The following CYP4F2 variants were observed in gnomAD, a reference collection of about 807,000 sequenced individuals.
The protein encoded by CYP4F2 is cytochrome P450 4F2.
In CYP4F2, 58 loss-of-function variants were observed where a neutral mutation model predicts 58.9. That is an observed-to-expected ratio of 0.98 (90% CI 0.80 to 1.23). The LOEUF (loss-of-function observed/expected upper bound fraction) is 1.23. Ranked by LOEUF, CYP4F2 falls within the 50% of genes most tolerant of loss-of-function variation. CYP4F2 has a pLI of 0.00. For missense variants in CYP4F2, 616 were observed against 685.6 expected (o/e 0.90, Z 1.13); for synonymous variants, 287 against 261.1 (o/e 1.10, Z -0.95).
intron 5 of CYP4F2, among the ~76,000 whole-genome samples, chr19:15,891,542 G>A (rs1445030989): frequency 6.6e-6 from 1 of 152,070 alleles, no homozygotes; most frequent in Non-Finnish European, 1.5e-5. Flanking sequence ...CCTTTGCAAT[G>A]TGATTTTTCA....
chr19:15,886,700 C>A (rs1285542826), intron 7 of CYP4F2, among the ~76,000 whole-genome samples: 1 of 152,140 alleles, frequency 6.6e-6, no homozygotes, highest in South Asian at 2.1e-4. Flanking sequence ...AGAATCTTAT[C>A]CCCCTGGAGA....
intron 9 of CYP4F2, among the ~76,000 whole-genome samples, chr19:15,885,616 T>A (rs993407459): frequency 6.6e-6 from 1 of 151,784 alleles, no homozygotes; most frequent in African/African-American, 2.4e-5. Flanking sequence ...TCAAAAAAAA[T>A]GATATTTCTG....
chr19:15,896,111 A>C (rs2089446516), intron 2 of CYP4F2, among the ~76,000 whole-genome samples: 1 of 142,446 alleles, frequency 7.0e-6, no homozygotes, highest in South Asian at 2.2e-4. Context: ...CATCCATGCT[A>C]TCTGTGCATC....
At chr19:15,881,736 T>C (rs943427705) in intron 9 of CYP4F2, among the ~76,000 whole-genome samples, 1 of 152,038 alleles carries the variant, frequency 6.6e-6, no homozygotes, top group Admixed American at 6.5e-5. Flanking sequence ...TTCTTATCAC[T>C]GGTTTTATAA....
chr19:15,890,767 A>G (rs1599354658), intron 5 of CYP4F2, among the ~76,000 whole-genome samples: 1 of 152,202 alleles, frequency 6.6e-6, no homozygotes, highest in South Asian at 2.1e-4. Flanking sequence ...TATAATTCAC[A>G]TTAGAAACTC....
intron 9 of CYP4F2, among the ~76,000 whole-genome samples, chr19:15,881,316 GAC>G (rs1344675133): frequency 1.3e-5 from 2 of 152,164 alleles, no homozygotes; most frequent in Non-Finnish European, 2.9e-5. Context: ...ATAGCATTAA[GAC>G]ACACTGTCGA....
intron 3 of CYP4F2, among the ~76,000 whole-genome samples, chr19:15,894,786 A>T (rs1389869496): frequency 6.6e-6 from 1 of 152,188 alleles, no homozygotes; most frequent in African/African-American, 2.4e-5. Context: ...GATGGGAAGC[A>T]CAGGGGTCAA....
At position 15,890,299 on chromosome 19, in the gene CYP4F2, G is replaced by A. The variant is rs748361914; in HGVS notation, c.647+13C>T. On this transcript the variant is annotated intron_variant, in intron 6 of 12. Coordinates refer to ENST00000221700, the MANE Select transcript of CYP4F2 (RefSeq NM_001082.5). Reference sequence around the variant, plus strand: ...CCACAGCCCAAGATCCCAGATCCTGGGCAAGAACTTACTCCTGACAATGGC... The same window carrying A: ...CCACAGCCCAAGATCCCAGATCCTGAGCAAGAACTTACTCCTGACAATGGC... 1.9e-5 allele frequency: 31 copies of A among 1,613,892 alleles called. No homozygotes were observed. Among genetic ancestry groups the A allele is most frequent in the Non-Finnish European group, 2.6e-5 (31 of 1,179,912 alleles).
intron 9 of CYP4F2, 122 bp downstream of exon 9, chr19:15,885,802 G>C: frequency 2.1e-6 from 3 of 1,450,368 alleles, no homozygotes; most frequent in Non-Finnish European, 2.8e-6. Flanking sequence ...GTGGTCCTCT[G>C]CTCCTATTCC....
chr19:15,885,774 G>T (rs1034523705), intron 9 of CYP4F2, 150 bp downstream of exon 9: 3 of 1,216,832 alleles, frequency 2.5e-6, no homozygotes, highest in Non-Finnish European at 3.3e-6. Flanking sequence ...CAGTCAGGAT[G>T]GGTACTAAGT....
At chr19:15,891,155 A>G (rs1218809497) in intron 5 of CYP4F2, among the ~76,000 whole-genome samples, 1 of 152,098 alleles carries the variant, frequency 6.6e-6, no homozygotes, top group African/African-American at 2.4e-5. Flanking sequence ...GCGAAGAAAA[A>G]CTTTGAGGGA....
At chr19:15,893,835 C>T in intron 3 of CYP4F2, 1 of 257,282 alleles carries the variant, frequency 3.9e-6, no homozygotes, top group Non-Finnish European at 8.3e-6. Flanking sequence ...CCCAAAGGTG[C>T]ACGCCAGGCT....
In CYP4F2 at chr19:15,892,569, TG is replaced by T. The variant is rs779003108; in HGVS notation, c.356del (p.Pro119GlnfsTer20). 1.2e-6 allele frequency: 2 copies of T among 1,613,972 alleles called. No individual in the cohort carries two copies. The highest frequency in any genetic ancestry group is 2.2e-5 in the South Asian group (2 of 91,066). On this transcript the variant is annotated frameshift_variant, in exon 4 of 13. Coordinates refer to ENST00000221700, the MANE Select transcript of CYP4F2 (RefSeq NM_001082.5). LOFTEE classifies it high-confidence loss of function. ...GGAAGCTGTAGAAGAACTTGTCCTT[TG>T]GTGCAATGGCAGCTGACATAAATGA... ...SVINASAAIA[P>X]KDKFFYSFLE... is the part of the protein sequence containing the mutation.
chr19:15,897,764 C>T, intron 1 of CYP4F2, 152 bp from the exon 2 acceptor site: 1 of 919,566 alleles, frequency 1.1e-6, no homozygotes, highest in Non-Finnish European at 1.6e-6. Flanking sequence ...AGGTAAAGTC[C>T]AGAAAGGCCC....
intron 12 of CYP4F2, among the ~76,000 whole-genome samples, chr19:15,879,141 G>A (rs1190979071): frequency 6.6e-6 from 1 of 152,162 alleles, no homozygotes; most frequent in Non-Finnish European, 1.5e-5. Flanking sequence ...CCAAGGTGGG[G>A]TAGGAGGGGG....
chr19:15,889,380 A>G lies in CYP4F2; in HGVS notation c.918+43T>C, dbSNP rs544213557. 9.3e-6 allele frequency: 15 copies of G among 1,612,268 alleles called. No individual in the cohort carries two copies. In the African/African-American group the frequency reaches 2.0e-4, roughly 22 times the overall value. ...TCCTTTCATCTGACATTTCACATGA[A>G]GCTCCCTTCTACTTCTTGAATTCAG... On this transcript the variant is annotated intron_variant, in intron 7 of 12. Coordinates refer to ENST00000221700, the MANE Select transcript of CYP4F2 (RefSeq NM_001082.5).
At chr19:15,891,789 A>T (rs2145011183) in intron 5 of CYP4F2, among the ~76,000 whole-genome samples, 1 of 152,248 alleles carries the variant, frequency 6.6e-6, no homozygotes, top group East Asian at 1.9e-4. Context: ...CCAAACCTAG[A>T]CACGTGAGAG....
At chr19:15,886,669 A>G (rs1022330047) in intron 7 of CYP4F2, among the ~76,000 whole-genome samples, 1 of 152,216 alleles carries the variant, frequency 6.6e-6, no homozygotes, top group Non-Finnish European at 1.5e-5. Flanking sequence ...ATTTGCCCAC[A>G]TTCTAGAGTG....
At chr19:15,885,892 C>G (rs935615763) in intron 9 of CYP4F2, 32 bp downstream of exon 9, 1 of 1,604,250 alleles carries the variant, frequency 6.2e-7, no homozygotes, top group Non-Finnish European at 8.5e-7. Flanking sequence ...ATGAGAAGGT[C>G]TCAGGAAGAG....
Sources: allele counts gnomAD v4.1 joint callset (sites outside exome capture counted in the v4.1 genomes callset), GRCh38; gene constraint gnomAD v4.1.1; transcripts MANE v1.5; gene names NCBI Gene and HGNC (gene_info 2026-07-23, HGNC 2026-07-21).